Variants in SLC2A9 observed in about 807,000 individuals in gnomAD.
The protein encoded by SLC2A9 is solute carrier family 2 member 9, also known as solute carrier family 2, facilitated glucose transporter member 9.
A neutral mutation model predicts 50.6 loss-of-function variants in SLC2A9; 39 were observed. The ratio of observed to expected loss-of-function variants is 0.77; its 90% CI spans 0.60 to 1.01. The LOEUF (loss-of-function observed/expected upper bound fraction) is 1.01. SLC2A9 is among the 50% of genes least tolerant of loss of function. The pLI is 0.00. For synonymous variants in SLC2A9, 324 were observed against 276.9 expected (o/e 1.17, Z -1.69); for missense variants, 686 against 677.6 (o/e 1.01, Z -0.14).
intron 3 of SLC2A9, among the ~76,000 whole-genome samples, chr4:9,819,950 C>A (rs1017483155): frequency 8.5e-5 from 13 of 152,226 alleles, no homozygotes; most frequent in Admixed American, 7.9e-4. Context: ...ACAACAACAA[C>A]AAAAACCCCC....
chr4:9,803,026 T>A lies in SLC2A9; in HGVS notation n.421-3785A>T, dbSNP rs1455281219. Among the ~76,000 whole-genome samples the A allele has an allele frequency of 2.0e-5, 3 of 152,224 alleles. No individual in the cohort carries two copies. The East Asian group carries it at 5.8e-4, about 29-fold the overall frequency. ...CCATTTTCTTGATAGATATATGGTG[T>A]CAGAGGAGATGAAACTTGCTTGGCA... On this transcript the variant is annotated intron_variant and non_coding_transcript_variant, in intron 3 of 3. Coordinates refer to the SLC2A9 transcript ENST00000503280.
chr4:9,925,401 G>A (rs1744717025), intron 6 of SLC2A9, among the ~76,000 whole-genome samples: 1 of 152,166 alleles, frequency 6.6e-6, no homozygotes. Context: ...CCACCCCTGG[G>A]AGCGCCCCCT....
At chr4:9,900,368 A>T (rs1476794401) in intron 8 of SLC2A9, among the ~76,000 whole-genome samples, 1 of 152,196 alleles carries the variant, frequency 6.6e-6, no homozygotes, top group Non-Finnish European at 1.5e-5. Context: ...TCAGGAGCAC[A>T]TCCCAAGAGT....
At chr4:10,031,465 G>T (rs1453060828) in intron 1 of SLC2A9, among the ~76,000 whole-genome samples, 2 of 152,208 alleles carry the variant, frequency 1.3e-5, no homozygotes, top group Non-Finnish European at 2.9e-5. Flanking sequence ...TCAATGAGAT[G>T]CATTGTGTGT....
chr4:9,917,580 C>G (rs1389746699), intron 7 of SLC2A9, among the ~76,000 whole-genome samples: 1 of 152,108 alleles, frequency 6.6e-6, no homozygotes, highest in Admixed American at 6.5e-5. Context: ...ATCCGCCTGC[C>G]TCAGCCTCCC....
intron 3 of SLC2A9, among the ~76,000 whole-genome samples, chr4:9,988,699 A>G (rs1267331741): frequency 1.3e-5 from 2 of 152,192 alleles, no homozygotes; most frequent in Non-Finnish European, 2.9e-5. Flanking sequence ...AGCTTCTCCA[A>G]TAGTGTAGAA....
At chr4:10,035,203 C>G (rs1352729895) in intron 1 of SLC2A9, 1 of 152,274 alleles carries the variant, frequency 6.6e-6, no homozygotes, top group Non-Finnish European at 1.5e-5. Flanking sequence ...CCTAGGCACC[C>G]AGGCTGGGCT....
chr4:9,778,194 C>A (rs2108834689), downstream of SLC2A9, among the ~76,000 whole-genome samples: 2 of 152,018 alleles, frequency 1.3e-5, no homozygotes, highest in South Asian at 4.2e-4. Flanking sequence ...ACTGCAACCT[C>A]CAACTCCTGG....
intron 5 of SLC2A9, among the ~76,000 whole-genome samples, chr4:9,958,412 T>C (rs1018780186): frequency 1.3e-5 from 2 of 152,200 alleles, no homozygotes; most frequent in African/African-American, 4.8e-5. Flanking sequence ...AAACACCGCA[T>C]GTCCTCAACT....
intron 10 of SLC2A9, among the ~76,000 whole-genome samples, chr4:9,855,416 G>A (rs762581264): frequency 6.6e-5 from 10 of 152,030 alleles, no homozygotes; most frequent in East Asian, 1.9e-4. Flanking sequence ...CCAGGGAGGC[G>A]AAAGATCCCT....
chr4:9,793,649 G>A (rs1720241099), intron 3 of SLC2A9, among the ~76,000 whole-genome samples: 1 of 152,166 alleles, frequency 6.6e-6, no homozygotes, highest in Non-Finnish European at 1.5e-5. Flanking sequence ...TAGCTCTTAG[G>A]AGGAGGCAAA....
chr4:10,025,158 T>C (rs779077178), upstream of SLC2A9, among the ~76,000 whole-genome samples: 5 of 152,156 alleles, frequency 3.3e-5, no homozygotes, highest in Non-Finnish European at 7.3e-5. Context: ...AGGTTTATTA[T>C]AAATACAAAT....
At chr4:10,026,066 G>A, upstream of SLC2A9, 1 of 1,274,696 alleles carries the variant, frequency 7.8e-7, no homozygotes, top group South Asian at 1.2e-5. Context: ...GTGCAAGTCA[G>A]GGGAGGTGGC....
intron 7 of SLC2A9, among the ~76,000 whole-genome samples, chr4:9,909,791 C>T (rs1741354130): frequency 6.6e-6 from 1 of 152,220 alleles, no homozygotes; most frequent in African/African-American, 2.4e-5. Context: ...CTGATGAATT[C>T]TGATGGGGAC....
At chr4:9,992,811 T>C (rs1315592500) in intron 3 of SLC2A9, among the ~76,000 whole-genome samples, 2 of 152,252 alleles carry the variant, frequency 1.3e-5, no homozygotes, top group Non-Finnish European at 2.9e-5. Context: ...TTTGGGTTCC[T>C]GTCACAGGCA....
At chr4:9,939,588 T>C (rs187299307) in intron 6 of SLC2A9, among the ~76,000 whole-genome samples, 6 of 150,350 alleles carry the variant, frequency 4.0e-5, no homozygotes, top group East Asian at 4.9e-4. Context: ...AGTTATCCCA[T>C]CCTTGGTTTT....
At position 9,931,962 on chromosome 4, in the gene SLC2A9, CTATATATATATATATATATATA is replaced by C. The variant is rs61538689; in HGVS notation, c.814+9929_814+9950del. Among the ~76,000 whole-genome samples, 2 of 14,588 alleles carry C rather than the reference CTATATATATATATATATATATA, an allele frequency of 1.4e-4. 1 individual carries two copies. The highest frequency in any genetic ancestry group is 2.2e-4 in the Non-Finnish European group (2 of 8,920). 9.6% of individuals were successfully genotyped at this position (14,588 alleles called of 152,430 possible). A position where few individuals can be genotyped will look rare whatever the true frequency, so the allele number is the denominator to read the frequency against. ...TCTCTCTCTCTCTCTCTCTCTCTCT[CTATATATATATATATATATATA>C]TATATATATATATATGCCTTGCCTG... On this transcript the variant is annotated intron_variant, in intron 6 of 11. Coordinates refer to ENST00000264784, the MANE Select transcript of SLC2A9 (RefSeq NM_020041.3).
At chr4:9,951,821 A>C (rs1454164227) in intron 5 of SLC2A9, among the ~76,000 whole-genome samples, 1 of 152,274 alleles carries the variant, frequency 6.6e-6, no homozygotes, top group Admixed American at 6.5e-5. Flanking sequence ...AAAAAGCTTG[A>C]AAAGTAAAAT....
chr4:9,890,941 G>A (rs567788458), intron 8 of SLC2A9, among the ~76,000 whole-genome samples: 4 of 152,258 alleles, frequency 2.6e-5, no homozygotes, highest in African/African-American at 4.8e-5. Context: ...CATTAATAAC[G>A]AGCACTCTCC....
Sources: gnomAD v4.1 joint callset for allele counts (sites outside exome capture counted in the v4.1 genomes callset) on GRCh38, gnomAD v4.1.1 for gene constraint, MANE v1.5 for transcripts, NCBI Gene and HGNC (gene_info 2026-07-23, HGNC 2026-07-21) for gene names.